SRGAP3: variants seen among roughly 807,000 people sequenced by gnomAD.
SRGAP3 encodes the protein SLIT-ROBO Rho GTPase-activating protein 3.
SRGAP3 carries 39 observed loss-of-function variants against 121.1 expected under a neutral mutation model. That is an observed-to-expected ratio of 0.32 (90% CI 0.25 to 0.42). The LOEUF is 0.42. Among genes scored for constraint, SRGAP3 ranks in the 10% least tolerant of loss-of-function variants. The pLI is 1.00. For synonymous variants in SRGAP3, 601 were observed against 570.0 expected, an observed-to-expected ratio of 1.05 and a Z score of -0.77; for missense variants, 1,213 against 1,470.6, an observed-to-expected ratio of 0.82 and a Z score of 2.86.
At position 8,982,063 on chromosome 3, in the gene SRGAP3, G is replaced by T. The variant is rs1219476090; in HGVS notation, c.*3456C>A. The T allele has an allele frequency of 8.8e-6, 2 of 226,548 alleles. No homozygotes were observed. The highest frequency in any genetic ancestry group is 1.8e-5 in the Non-Finnish European group (2 of 113,736). The allele number at this position is 226,548 out of a possible 1,614,324, so 14.0% of individuals were successfully genotyped here. A position where few individuals can be genotyped will look rare whatever the true frequency, so the allele number is the denominator to read the frequency against. On this transcript the variant is annotated 3_prime_UTR_variant, in exon 22 of 22. Transcript: ENST00000383836. ...AAAGGGGACGGGGAGAGTGGGGTAG[G>T]AAGCACAGCTTGTTCTCAATTTTAT...
At chr3:9,263,539 T>C (rs950161458) in intron 3 of SRGAP3, among the ~76,000 whole-genome samples, 1 of 152,126 alleles carries the variant, frequency 6.6e-6, no homozygotes, top group African/African-American at 2.4e-5. Flanking sequence ...ATAACGGGGA[T>C]ATCACCACTG....
chr3:9,198,494 A>G (rs1951976528), intron 1 of SRGAP3, among the ~76,000 whole-genome samples: 1 of 152,228 alleles, frequency 6.6e-6, no homozygotes, highest in Non-Finnish European at 1.5e-5. Context: ...TCTACCTAGC[A>G]TTCAGTAGCC....
At chr3:9,206,321 C>G (rs755315943) in intron 1 of SRGAP3, among the ~76,000 whole-genome samples, 3 of 152,174 alleles carry the variant, frequency 2.0e-5, no homozygotes, top group Non-Finnish European at 4.4e-5. Context: ...AAGGCTTAAA[C>G]ACAGTAAGCG....
At chr3:9,064,292 G>A (rs1386507007) in intron 5 of SRGAP3, 104 bp downstream of exon 5, 2 of 1,483,196 alleles carry the variant, frequency 1.3e-6, no homozygotes, top group African/African-American at 2.8e-5. Flanking sequence ...CACCCCACTG[G>A]GATGCAGGGG....
intron 14 of SRGAP3, among the ~76,000 whole-genome samples, chr3:9,021,797 T>C (rs1943935584): frequency 6.6e-6 from 1 of 152,156 alleles, no homozygotes; most frequent in Non-Finnish European, 1.5e-5. Context: ...ATTTTAAAAA[T>C]AAAAGGAAAA....
intron 1 of SRGAP3, among the ~76,000 whole-genome samples, chr3:9,172,139 G>C (rs1322156831): frequency 6.8e-6 from 1 of 148,098 alleles, no homozygotes; most frequent in Non-Finnish European, 1.5e-5. Context: ...TGTTGCCTAG[G>C]CTGGAATGCA....
At chr3:9,110,878 C>T (rs1948598983) in intron 2 of SRGAP3, among the ~76,000 whole-genome samples, 2 of 152,224 alleles carry the variant, frequency 1.3e-5, no homozygotes, top group Admixed American at 6.5e-5. Flanking sequence ...ACAGGTGGGA[C>T]TCAGCACAGC....
chr3:9,264,012 C>G (rs1011915049), intron 3 of SRGAP3, among the ~76,000 whole-genome samples: 1 of 152,202 alleles, frequency 6.6e-6, no homozygotes, highest in Non-Finnish European at 1.5e-5. Context: ...CGTTCTAAAG[C>G]TTATCCACCA....
rs935836667 is a variant in SRGAP3 at position 9,071,263 on chromosome 3, G to T, written c.487-6682C>A. ...GACTCATCCAGTCTTCTTTCTTTGG[G>T]AATAGCCCCCTAATTTTATTTTGAG... is the stretch of plus-strand genomic sequence containing the variant. On this transcript the variant is annotated intron_variant, in intron 4 of 21. Transcript: ENST00000383836. Among the ~76,000 whole-genome samples, 4 of 152,174 alleles carry T rather than the reference G, an allele frequency of 2.6e-5. No homozygotes were observed. In the East Asian group the frequency reaches 5.8e-4, roughly 22 times the overall value.
chr3:9,296,681 T>G (rs2648566), intron 3 of SRGAP3, among the ~76,000 whole-genome samples: 9,920 of 152,274 alleles, frequency 0.065, 453 homozygotes, highest in Non-Finnish European at 0.095. Flanking sequence ...GCAGGTTAAC[T>G]CACCACCCTG....
intron 3 of SRGAP3, among the ~76,000 whole-genome samples, chr3:9,312,803 A>G (rs1209956854): frequency 1.3e-5 from 2 of 152,070 alleles, no homozygotes; most frequent in African/African-American, 2.4e-5. Context: ...TGGGCAACAT[A>G]GCGAGACCCT....
intron 2 of SRGAP3, among the ~76,000 whole-genome samples, chr3:9,117,164 G>A (rs1948835343): frequency 6.6e-6 from 1 of 152,198 alleles, no homozygotes. Flanking sequence ...CCCTACTGGA[G>A]GGCTTTCTCC....
chr3:9,230,856 CA>C (rs544760262), intron 1 of SRGAP3, among the ~76,000 whole-genome samples: 1,697 of 91,072 alleles, frequency 0.019, 10 homozygotes, highest in African/African-American at 0.038. Context: ...GACCCTATCT[CA>C]AAAAAAAAAA....
chr3:9,067,150 C>CCAT (rs1560060699), intron 4 of SRGAP3, among the ~76,000 whole-genome samples: 3 of 152,040 alleles, frequency 2.0e-5, no homozygotes, highest in Non-Finnish European at 2.9e-5. Flanking sequence ...ACCACCACCA[C>CCAT]CATCATCATC....
At chr3:9,044,502 G>T (rs1049446366) in intron 10 of SRGAP3, among the ~76,000 whole-genome samples, 1 of 152,126 alleles carries the variant, frequency 6.6e-6, no homozygotes, top group Non-Finnish European at 1.5e-5. Context: ...AATTTAAAAC[G>T]TATGAATTGT....
At chr3:9,079,702 A>G (rs1166208509) in intron 4 of SRGAP3, among the ~76,000 whole-genome samples, 3 of 152,196 alleles carry the variant, frequency 2.0e-5, no homozygotes, top group Non-Finnish European at 4.4e-5. Flanking sequence ...CCCTGCCTTC[A>G]GGAGCCTTCA....
At position 9,026,179 on chromosome 3, in the gene SRGAP3, C is replaced by T. The variant is rs150966887; in HGVS notation, c.1600+756G>A. 4.3e-3 allele frequency among the ~76,000 whole-genome samples: 660 copies of T among 152,308 alleles called. 3 individuals are homozygous for T. Among genetic ancestry groups the T allele is most frequent in the African/African-American group, 0.015 (626 of 41,572 alleles). On this transcript the variant is annotated intron_variant, in intron 13 of 21. Transcript: ENST00000383836. ...TCGGTATTACTTAGTTCAAACATCACCCCCTCGGAGAAATCTCTCCTCACC... is the reference window on the plus strand; with the variant it reads ...TCGGTATTACTTAGTTCAAACATCATCCCCTCGGAGAAATCTCTCCTCACC...
At chr3:9,217,954 G>C (rs938647855) in intron 1 of SRGAP3, 6 of 152,144 alleles carry the variant, frequency 3.9e-5, no homozygotes, top group African/African-American at 9.7e-5. Flanking sequence ...TCCGCAGCAG[G>C]GGGTACACTA....
intron 3 of SRGAP3, among the ~76,000 whole-genome samples, chr3:9,276,128 T>G (rs1038718850): frequency 6.6e-6 from 1 of 152,180 alleles, no homozygotes; most frequent in African/African-American, 2.4e-5. Context: ...CATCAAGACT[T>G]AGTCAATGTC....
Sources: allele counts gnomAD v4.1 joint callset (sites outside exome capture counted in the v4.1 genomes callset), GRCh38; gene constraint gnomAD v4.1.1; transcripts MANE v1.5; gene names NCBI Gene and HGNC (gene_info 2026-07-23, HGNC 2026-07-21).